SEMA3A: variants seen among roughly 807,000 people sequenced by gnomAD.
SEMA3A encodes semaphorin 3A.
In SEMA3A, 29 loss-of-function variants were observed where a neutral mutation model predicts 97.9. That is an observed-to-expected ratio of 0.30 (90% confidence interval 0.22 to 0.40). The LOEUF is 0.40. Ranked by LOEUF, SEMA3A falls within the 10% of genes least tolerant of loss-of-function variation. The pLI is 1.00. For synonymous variants in SEMA3A, 321 were observed against 323.7 expected (o/e 0.99, Z 0.09); for missense variants, 763 against 951.3 (o/e 0.80, Z 2.60).
chr7:84,410,411 C>A (rs1482868062), intron 1 of SEMA3A, among the ~76,000 whole-genome samples: 4 of 152,088 alleles, frequency 2.6e-5, no homozygotes, highest in Admixed American at 2.0e-4. Flanking sequence ...TACTATTAAG[C>A]AAGCAACCTG....
At chr7:84,448,942 T>C (rs1407580743) in intron 1 of SEMA3A, among the ~76,000 whole-genome samples, 1 of 152,206 alleles carries the variant, frequency 6.6e-6, no homozygotes, top group African/African-American at 2.4e-5. Context: ...GGTTCTGGTG[T>C]AAATATATAT....
At chr7:84,369,350 A>G (rs1295071503) in intron 2 of SEMA3A, among the ~76,000 whole-genome samples, 1 of 151,118 alleles carries the variant, frequency 6.6e-6, no homozygotes, top group East Asian at 1.9e-4. Context: ...TGAGCTGTTG[A>G]AAGTGACTTT....
chr7:84,106,590 G>A (rs940057627), intron 4 of SEMA3A, among the ~76,000 whole-genome samples: 10 of 152,150 alleles, frequency 6.6e-5, no homozygotes, highest in East Asian at 3.9e-4. Flanking sequence ...ACTAGAAGAC[G>A]AAACTGAAGG....
chr7:84,346,966 C>T (rs958797312), intron 2 of SEMA3A, among the ~76,000 whole-genome samples: 10 of 152,130 alleles, frequency 6.6e-5, no homozygotes, highest in African/African-American at 2.4e-4. Flanking sequence ...TGGTCACCAT[C>T]ATTACTCATG....
chr7:84,213,612 T>C (rs1019863704), intron 3 of SEMA3A, among the ~76,000 whole-genome samples: 1 of 152,250 alleles, frequency 6.6e-6, no homozygotes, highest in Non-Finnish European at 1.5e-5. Flanking sequence ...AGCTCCTATT[T>C]CCCTCCCATG....
chr7:84,187,511 G>T (rs1238666234), intron 1 of SEMA3A, among the ~76,000 whole-genome samples: 2 of 151,966 alleles, frequency 1.3e-5, no homozygotes, highest in Non-Finnish European at 2.9e-5. Context: ...ATATGACCTG[G>T]ATATTTTCTG....
At chr7:84,312,913 T>C (rs1400446392) in intron 2 of SEMA3A, among the ~76,000 whole-genome samples, 1,058 of 49,694 alleles carry the variant, frequency 0.021, 61 homozygotes, top group Non-Finnish European at 0.037. Context: ...TATATATATA[T>C]ATATATATAC....
chr7:84,203,969 T>C (rs1410988704), intron 3 of SEMA3A, among the ~76,000 whole-genome samples: 1 of 152,152 alleles, frequency 6.6e-6, no homozygotes, highest in Admixed American at 6.5e-5. Context: ...ATATGTTTAG[T>C]TTCTCCTTCA....
intron 1 of SEMA3A, among the ~76,000 whole-genome samples, chr7:84,156,062 T>C (rs951047715): frequency 6.6e-6 from 1 of 152,168 alleles, no homozygotes; most frequent in African/African-American, 2.4e-5. Flanking sequence ...TCCAATTTTT[T>C]AAAGTTTCTA....
Position 84,077,788 on chromosome 7 carries a change from A to C in SEMA3A, c.454-17230T>G, listed in dbSNP as rs545770042. ...ATTTGGAGGATCCTTAAAAATGTCC[A>C]TAAAATTTAACTTGATTATTTTACT... On this transcript the variant is annotated intron_variant, in intron 4 of 16. Coordinates refer to ENST00000265362, the MANE Select transcript of SEMA3A (RefSeq NM_006080.3). 1.4e-3 allele frequency among the ~76,000 whole-genome samples: 218 copies of C among 152,174 alleles called. 1 individual carries two copies. Among genetic ancestry groups the C allele is most frequent in the Middle Eastern group, 6.8e-3 (2 of 294 alleles).
intron 3 of SEMA3A, among the ~76,000 whole-genome samples, chr7:84,212,747 T>C (rs1028156210): frequency 6.6e-5 from 10 of 152,318 alleles, no homozygotes; most frequent in African/African-American, 2.4e-4. Flanking sequence ...AACCAGCTTT[T>C]TCACATTTCC....
chr7:84,341,355 A>G lies in SEMA3A; in HGVS notation c.-169+30469T>C, dbSNP rs545501702. ...TGTTCTCTGTATGTTTGTTTTATCAATCTTCAAAGAATATTTCAGAGTAAG... is the reference window on the plus strand; with the variant it reads ...TGTTCTCTGTATGTTTGTTTTATCAGTCTTCAAAGAATATTTCAGAGTAAG... On this transcript the variant is annotated intron_variant, in intron 2 of 3. Transcript: ENST00000424555. Among the ~76,000 whole-genome samples the G allele has an allele frequency of 2.6e-5, 4 of 152,266 alleles. No individual in the cohort carries two copies. In the East Asian group the frequency reaches 5.8e-4, roughly 22 times the overall value.
chr7:84,382,143 T>G (rs939614983), intron 1 of SEMA3A, among the ~76,000 whole-genome samples: 8 of 152,150 alleles, frequency 5.3e-5, no homozygotes, highest in African/African-American at 1.7e-4. Flanking sequence ...AGTCTCGCTC[T>G]GTCGCCCAGA....
chr7:84,040,300 C>G (rs1354667151), intron 6 of SEMA3A, among the ~76,000 whole-genome samples: 2 of 148,278 alleles, frequency 1.3e-5, no homozygotes, highest in East Asian at 4.3e-4. Flanking sequence ...TCAGCTTGAT[C>G]TGGGTAAAAT....
At chr7:84,227,583 C>T (rs983903314) in intron 3 of SEMA3A, among the ~76,000 whole-genome samples, 12 of 152,028 alleles carry the variant, frequency 7.9e-5, no homozygotes, top group African/African-American at 2.7e-4. Context: ...AAGAGGAGTT[C>T]TACAGCCATG....
At chr7:84,396,694 C>G (rs1050036624) in intron 1 of SEMA3A, among the ~76,000 whole-genome samples, 1 of 151,944 alleles carries the variant, frequency 6.6e-6, no homozygotes, top group African/African-American at 2.4e-5. Flanking sequence ...ATAGTAATAG[C>G]TGTAGTTGGA....
At chr7:83,966,954 G>A (rs1015742178) in intron 15 of SEMA3A, among the ~76,000 whole-genome samples, 3 of 151,864 alleles carry the variant, frequency 2.0e-5, no homozygotes, top group Non-Finnish European at 2.9e-5. Context: ...CAGGTGATTC[G>A]CCCGCCTCGG....
rs1327693586 is a variant in SEMA3A, at chr7:84,091,208, G to T, written c.453+19262C>A. On this transcript the variant is annotated intron_variant, in intron 4 of 16. Coordinates refer to ENST00000265362, the MANE Select transcript of SEMA3A (RefSeq NM_006080.3). ...AGAAAGAAAGAAAGAAAGAAAGAAAGAAAGAAAAGAAAAGAAAGAAAAGAA... is the reference window on the plus strand; with the variant it reads ...AGAAAGAAAGAAAGAAAGAAAGAAATAAAGAAAAGAAAAGAAAGAAAAGAA... 1.4e-4 allele frequency among the ~76,000 whole-genome samples: 10 copies of T among 69,316 alleles called. 1 individual carries two copies. In the South Asian group the frequency reaches 4.5e-3, roughly 31 times the overall value. The allele number at this position is 69,316 out of a possible 152,430, so 45.5% of individuals were successfully genotyped here.
intron 1 of SEMA3A, among the ~76,000 whole-genome samples, chr7:84,404,859 C>G (rs1457142565): frequency 6.6e-6 from 1 of 152,062 alleles, no homozygotes; most frequent in African/African-American, 2.4e-5. Flanking sequence ...GATTTTGTCA[C>G]CACCAGGCCT....
Sources: gnomAD v4.1 joint callset for allele counts (sites outside exome capture counted in the v4.1 genomes callset) on GRCh38, gnomAD v4.1.1 for gene constraint, MANE v1.5 for transcripts, NCBI Gene and HGNC (gene_info 2026-07-23, HGNC 2026-07-21) for gene names.